Variants in ZNF286A observed in about 807,000 individuals in gnomAD.
ZNF286A encodes the protein zinc finger protein ZNF286.
A neutral mutation model predicts 49.3 loss-of-function variants in ZNF286A; 34 were observed. That is an observed-to-expected ratio of 0.69 (90% CI 0.52 to 0.92). ZNF286A has a LOEUF of 0.92. Among genes scored for constraint, ZNF286A ranks in the 40% least tolerant of loss-of-function variants. The pLI, the probability that ZNF286A is intolerant of heterozygous loss-of-function variation, is 0.00. For synonymous variants in ZNF286A, 155 were observed against 200.4 expected, an observed-to-expected ratio of 0.77 and a Z score of 1.91; for missense variants, 462 against 600.2, an observed-to-expected ratio of 0.77 and a Z score of 2.41.
intron 3 of ZNF286A, among the ~76,000 whole-genome samples, chr17:15,705,964 G>A (rs568688520): frequency 6.6e-6 from 1 of 152,242 alleles, no homozygotes; most frequent in South Asian, 2.1e-4. Context: ...CTGTATTGCA[G>A]TTCGTCTTGT....
Position 15,717,372 on chromosome 17 carries a change from TA to T in ZNF286A, c.*84del. 1.4e-6 allele frequency: 2 copies of T among 1,426,878 alleles called. No individual in the cohort carries two copies. The highest frequency in any genetic ancestry group is 2.9e-5 in the South Asian group (2 of 67,954). The allele number at this position is 1,426,878 out of a possible 1,614,324, so 88.4% of individuals were successfully genotyped here. Reference sequence around the variant, plus strand: ...AGTGTTTAGGTGGAAGGCGCATCCATAATATGCATGTGAGGACCAATTCTGT... The same window carrying T: ...AGTGTTTAGGTGGAAGGCGCATCCATATATGCATGTGAGGACCAATTCTGT... On this transcript the variant is annotated 3_prime_UTR_variant, in exon 6 of 6. Coordinates refer to ENST00000583566, the MANE Select transcript of ZNF286A (RefSeq NM_001130842.2).
In ZNF286A at chr17:15,716,177, C is replaced by T. The variant is rs1193427141; in HGVS notation, c.453C>T (p.Asn151=). ...CACGGAATAGTGTCTATGACTCTAA[C>T]TTGGAAGCAGCCCTTGAATGTGAAA... The part of the protein sequence containing the change: ...RLTRNSVYDS[N]LEAALECENW... The change falls in exon 6 of 6, where the codon AAC becomes AAT. Residue 151 remains asparagine, a synonymous_variant. Transcript: ENST00000583566. The T allele has an allele frequency of 1.2e-6, 2 of 1,613,818 alleles. No homozygotes were observed. Among genetic ancestry groups the T allele is most frequent in the Admixed American group, 1.7e-5 (1 of 60,016 alleles).
rs950778949 is a variant in ZNF286A, at chr17:15,719,696, G to A, written c.*2406G>A. The A allele has an allele frequency of 4.6e-5, 7 of 152,076 alleles. No individual in the cohort carries two copies. Among genetic ancestry groups the A allele is most frequent in the African/African-American group, 1.7e-4 (7 of 41,396 alleles). 9.4% of individuals were successfully genotyped at this position (152,076 alleles called of 1,614,324 possible). ...TACCGTCAGTTAAGTTTCATTATAT[G>A]ACTTTGATGGGGATATAGCCCATAG... On this transcript the variant is annotated 3_prime_UTR_variant, in exon 6 of 6. Transcript: ENST00000583566.
rs546494500 is a variant in ZNF286A at position 15,717,588 on chromosome 17, G to T, written c.*298G>T. The T allele has an allele frequency of 8.4e-5, 30 of 358,720 alleles. No homozygotes were observed. Among genetic ancestry groups the T allele is most frequent in the African/African-American group, 5.0e-4 (24 of 47,894 alleles). The allele number at this position is 358,720 out of a possible 1,614,324, so 22.2% of individuals were successfully genotyped here. On this transcript the variant is annotated 3_prime_UTR_variant, in exon 6 of 6. Coordinates refer to ENST00000583566, the MANE Select transcript of ZNF286A (RefSeq NM_001130842.2). ...AGCAGTACGAACATTGTGAAATCCA[G>T]TTTTCCCCTCTCTTGTTTATGTCAG... is the stretch of plus-strand genomic sequence containing the variant.
At chr17:15,704,665 A>T in intron 3 of ZNF286A, 1 of 1,613,872 alleles carries the variant, frequency 6.2e-7, no homozygotes, top group East Asian at 2.2e-5. Flanking sequence ...CTTGGTCAGG[A>T]AGTAGCCCTT....
chr17:15,706,228 A>G (rs1445377176), intron 3 of ZNF286A, among the ~76,000 whole-genome samples, 159 bp from the exon 4 acceptor site: 1 of 152,192 alleles, frequency 6.6e-6, no homozygotes, highest in Admixed American at 6.5e-5. Context: ...TTTACATAAA[A>G]TACTCCGAAT....
At chr17:15,709,091 C>T (rs1274613092) in intron 5 of ZNF286A, among the ~76,000 whole-genome samples, 1 of 152,038 alleles carries the variant, frequency 6.6e-6, no homozygotes, top group African/African-American at 2.4e-5. Flanking sequence ...GTTCCACATG[C>T]TTGTCAACAC....
Position 15,701,135 on chromosome 17 carries a change from T to C in ZNF286A, c.38-17T>C, listed in dbSNP as rs753655622. 9 of 1,613,892 alleles carry C rather than the reference T, an allele frequency of 5.6e-6. No individual in the cohort carries two copies. The South Asian group carries it at 7.7e-5, about 14-fold the overall frequency. On this transcript the variant is annotated splice_polypyrimidine_tract_variant and intron_variant, in intron 2 of 5. Coordinates refer to ENST00000583566, the MANE Select transcript of ZNF286A (RefSeq NM_001130842.2). The stretch of plus-strand genomic sequence containing the variant: ...CGTTAAGCCTAGGTCTCATCATTAC[T>C]GCTTTCTTGTCGTTAGCTCTGTCTT...
rs546507958 is a variant in ZNF286A, at chr17:15,704,668, T to C, written c.127-1719T>C. The C allele has an allele frequency of 2.5e-6, 4 of 1,613,876 alleles. No homozygotes were observed. The South Asian group carries it at 4.4e-5, about 18-fold the overall frequency. On this transcript the variant is annotated intron_variant, in intron 3 of 5. Transcript: ENST00000583566. Reference sequence around the variant, plus strand: ...CGGGTGGAAGATCTTGGTCAGGAAGTAGCCCTTGGGTGGGGAGGCAGGGAA... The same window carrying C: ...CGGGTGGAAGATCTTGGTCAGGAAGCAGCCCTTGGGTGGGGAGGCAGGGAA...
At position 15,717,138 on chromosome 17, in the gene ZNF286A, G is replaced by A; in HGVS notation, c.1414G>A (p.Gly472Arg). ...GAAACCGTACAAATGTAGCGAGTGTGGAAAAGCCTTCATTCATTCATCAGC... is the reference window on the plus strand; with the variant it reads ...GAAACCGTACAAATGTAGCGAGTGTAGAAAAGCCTTCATTCATTCATCAGC... ...GKKPYKCSEC[G>R]KAFIHSSALI... Residue 472 changes from glycine (G) to arginine (R), a missense_variant, in exon 6 of 6, where the codon GGA becomes AGA. This residue lies in a region of ZNF286A where 201 missense variants were observed against 311.3 expected (regional missense o/e 0.65). Transcript: ENST00000583566. 1 of 1,613,586 alleles carries A rather than the reference G, an allele frequency of 6.2e-7. No individual in the cohort carries two copies. The highest frequency in any genetic ancestry group is 8.5e-7 in the Non-Finnish European group (1 of 1,179,852).
Position 15,716,503 on chromosome 17 carries a change from G to A in ZNF286A, c.779G>A (p.Arg260Gln), listed in dbSNP as rs771300231. ...ELFTYHSVLI[R>Q]HQRVHTGEKP... ...TTCACCTACCATTCAGTGCTTATTC[G>A]ACACCAGAGAGTCCATACTGGAGAG... Residue 260 changes from arginine to glutamine, a missense_variant, in exon 6 of 6, where the codon CGA (arginine) becomes CAA (glutamine). Around this residue, in one of 3 missense-constraint regions of ZNF286A, gnomAD observed 201 missense variants for 311.3 expected, o/e 0.65. Transcript: ENST00000583566. The A allele has an allele frequency of 1.5e-5, 24 of 1,613,862 alleles. No homozygotes were observed. The highest frequency in any genetic ancestry group is 2.7e-5 in the African/African-American group (2 of 74,870).
rs1345737249 is a variant in ZNF286A at position 15,717,161 on chromosome 17, A to G, written c.1437A>G (p.Ser479=). The G allele has an allele frequency of 1.2e-5, 20 of 1,611,230 alleles. No individual in the cohort carries two copies. The highest frequency in any genetic ancestry group is 1.7e-5 in the Non-Finnish European group (20 of 1,178,822). ...SECGKAFIHS[S]ALIQHQRTHT... is the part of the protein sequence containing the mutation. ...GTGGAAAAGCCTTCATTCATTCATC[A>G]GCTCTCATTCAACATCAGAGAACTC... Residue 479 remains serine (S), a synonymous_variant, in exon 6 of 6, where the codon TCA becomes TCG. Transcript: ENST00000583566.
At position 15,716,927 on chromosome 17, in the gene ZNF286A, G is replaced by T; in HGVS notation, c.1203G>T (p.Gln401His). 1 of 1,611,164 alleles carries T rather than the reference G, an allele frequency of 6.2e-7. No individual in the cohort carries two copies. Among genetic ancestry groups the T allele is most frequent in the South Asian group, 1.1e-5 (1 of 90,966 alleles). The change falls in exon 6 of 6, where the codon CAG becomes CAT. Residue 401 changes from glutamine (Q) to histidine (H), a missense_variant. Transcript: ENST00000583566. ...ATTGCTCATCCCTAACTAAGCATCA[G>T]AGAGTTCATACTGGAGAAAAGCCAT... ...FSHCSSLTKH[Q>H]RVHTGEKPYE...
chr17:15,704,116 C>T (rs1990006784), intron 3 of ZNF286A: 2 of 624,922 alleles, frequency 3.2e-6, no homozygotes, highest in Non-Finnish European at 5.0e-6. Flanking sequence ...AAATCCAGGT[C>T]CCAGTGCCCC....
In ZNF286A at chr17:15,705,861, C is replaced by T. The variant is rs1339346862; in HGVS notation, c.127-526C>T. Reference sequence around the variant, plus strand: ...GTATCTCATAAATTGGAGCCATTTTCCAATTTAATGCTCTTTGCCTTGAAT... The same window carrying T: ...GTATCTCATAAATTGGAGCCATTTTTCAATTTAATGCTCTTTGCCTTGAAT... On this transcript the variant is annotated intron_variant, in intron 3 of 5. Transcript: ENST00000583566. Among the ~76,000 whole-genome samples, 7 of 152,108 alleles carry T rather than the reference C, an allele frequency of 4.6e-5. 1 individual carries two copies. The highest frequency in any genetic ancestry group is 4.4e-5 in the Non-Finnish European group (3 of 68,004).
In ZNF286A at chr17:15,711,599, G is replaced by A. The variant is rs144206446; in HGVS notation, c.334+3352G>A. Among the ~76,000 whole-genome samples, 727 of 152,268 alleles carry A rather than the reference G, an allele frequency of 4.8e-3. 2 individuals carry two copies. The highest frequency in any genetic ancestry group is 0.012 in the South Asian group (57 of 4,830). On this transcript the variant is annotated intron_variant, in intron 5 of 5. Transcript: ENST00000583566. The stretch of plus-strand genomic sequence containing the variant: ...GTGGCTCTAGCTCAAGGGCTGGCAA[G>A]CTTTTTATGTAAATGGCTAGACAAT...
rs188095147 is a variant in ZNF286A at position 15,705,077 on chromosome 17, C to T, written c.127-1310C>T. On this transcript the variant is annotated intron_variant, in intron 3 of 5. Transcript: ENST00000583566. The stretch of plus-strand genomic sequence containing the variant: ...CACAGCGTACACCAACCTGCCTCCC[C>T]GGTGCCCGGCAGCACTTAATTCTCT... Among the ~76,000 whole-genome samples, 141 of 152,194 alleles carry T rather than the reference C, an allele frequency of 9.3e-4. 1 individual carries two copies. The East Asian group carries it at 0.025, about 27-fold the overall frequency.
chr17:15,702,442 G>A (rs1024411231), intron 3 of ZNF286A, among the ~76,000 whole-genome samples: 2 of 151,530 alleles, frequency 1.3e-5, no homozygotes, highest in African/African-American at 4.9e-5. Flanking sequence ...TTGAACCCAG[G>A]AGGCAGAGGT....
chr17:15,708,082 G>C, intron 4 of ZNF286A, 73 bp from the exon 5 acceptor site: 1 of 1,105,194 alleles, frequency 9.0e-7, no homozygotes, highest in Non-Finnish European at 1.2e-6. Context: ...CAACTGGCTT[G>C]AAGAAAACTT....
Sources: gnomAD v4.1 joint callset for allele counts (sites outside exome capture counted in the v4.1 genomes callset) on GRCh38, gnomAD v4.1.1 for gene constraint, gnomAD v4.1.1 regional missense constraint, MANE v1.5 for transcripts, NCBI Gene and HGNC (gene_info 2026-07-23, HGNC 2026-07-21) for gene names.